Variants in HIBCH observed in about 807,000 individuals in gnomAD.
HIBCH encodes the protein 3-hydroxyisobutyryl-CoA hydrolase, mitochondrial.
HIBCH carries 50 observed loss-of-function variants against 58.2 expected under a neutral mutation model. The ratio of observed to expected loss-of-function variants is 0.86; its 90% confidence interval spans 0.68 to 1.09. The LOEUF is 1.09. HIBCH is among the 50% of genes least tolerant of loss of function. The probability of loss-of-function intolerance (pLI) is 0.00; values close to 1 mark genes in which losing one functional copy is unlikely to be tolerated. For synonymous variants in HIBCH, 151 were observed against 146.9 expected, an observed-to-expected ratio of 1.03 and a Z score of -0.20; for missense variants, 450 against 449.7, an observed-to-expected ratio of 1.00 and a Z score of -0.01.
rs1686283222 is a variant in HIBCH, at chr2:190,236,625, G to C, written c.891+8262C>G. Among the ~76,000 whole-genome samples, 2 of 152,124 alleles carry C rather than the reference G, an allele frequency of 1.3e-5. No individual in the cohort carries two copies. The highest frequency in any genetic ancestry group is 6.6e-5 in the Admixed American group (1 of 15,258). ...TAGTATATTTTCACCAATCTGAAAT[G>C]TCATATTACTATATAAAGACCAAAA... On this transcript the variant is annotated intron_variant, in intron 11 of 13. Transcript: ENST00000359678. The surrounding 1 kb of genome is among the most constrained non-coding windows in gnomAD (Gnocchi z 4.1).
In HIBCH at chr2:190,296,946, G is replaced by A. The variant is rs1274859127; in HGVS notation, c.86C>T (p.Ser29Phe). Residue 29 changes from serine to phenylalanine, a missense_variant, in exon 3 of 14, where the codon TCC becomes TTC. Ser to Phe is a radical substitution (Grantham distance 155). Transcript: ENST00000359678. ...CTCTTCTGCTGCATCTGTGTGCTTG[G>A]ACATTCTCTGTATAAACAAAGAATA... is the stretch of plus-strand genomic sequence containing the variant. ...TNTILHHLRM[S>F]KHTDAAEEVL... The A allele has an allele frequency of 6.2e-7, 1 of 1,613,968 alleles. No homozygotes were observed. The highest frequency in any genetic ancestry group is 1.1e-5 in the South Asian group (1 of 91,072).
chr2:190,238,522 T>G (rs1405555187), intron 11 of HIBCH, among the ~76,000 whole-genome samples: 1 of 152,192 alleles, frequency 6.6e-6, no homozygotes, highest in African/African-American at 2.4e-5. Context: ...TGGAGGGCAG[T>G]AGGGTGATCT....
At chr2:190,220,823 G>A (rs1363525032) in intron 11 of HIBCH, among the ~76,000 whole-genome samples, 2 of 152,104 alleles carry the variant, frequency 1.3e-5, no homozygotes, top group Admixed American at 6.6e-5. Context: ...TGTGTATAAG[G>A]GAGTGACATG....
At chr2:190,218,277 G>A (rs968200567) in intron 11 of HIBCH, among the ~76,000 whole-genome samples, 5 of 152,152 alleles carry the variant, frequency 3.3e-5, no homozygotes, top group African/African-American at 1.2e-4. Context: ...AAGGCCAGCT[G>A]AGTCATTCTT....
At chr2:190,208,935 A>C in intron 12 of HIBCH, 22 bp from the exon 13 acceptor site, 2 of 1,609,116 alleles carry the variant, frequency 1.2e-6, no homozygotes, top group Non-Finnish European at 8.5e-7. Flanking sequence ...TTGAGATTAA[A>C]TGGGGATAAT....
chr2:190,292,878 ATCTAAAT>A (rs1687992681), intron 4 of HIBCH, among the ~76,000 whole-genome samples: 1 of 152,216 alleles, frequency 6.6e-6, no homozygotes, highest in Admixed American at 6.5e-5. Context: ...AATTAGTTCC[ATCTAAAT>A]TAAAATTAAA....
chr2:190,193,236 T>C (rs1689801579), intron 1 of HIBCH, among the ~76,000 whole-genome samples: 1 of 152,114 alleles, frequency 6.6e-6, no homozygotes, highest in African/African-American at 2.4e-5. Flanking sequence ...TTTTTTATGT[T>C]AATATAGTGA....
In HIBCH at chr2:190,214,645, G is replaced by A. The variant is rs894706431; in HGVS notation, c.892-1570C>T. 5 of 152,222 alleles carry A rather than the reference G, an allele frequency of 3.3e-5. No homozygotes were observed. Among genetic ancestry groups the A allele is most frequent in the South Asian group, 2.1e-4 (1 of 4,828 alleles). 9.4% of individuals were successfully genotyped at this position (152,222 alleles called of 1,614,324 possible). A position where few individuals can be genotyped will look rare whatever the true frequency, so the allele number is the denominator to read the frequency against. On this transcript the variant is annotated intron_variant, in intron 11 of 13. Coordinates refer to ENST00000359678, the MANE Select transcript of HIBCH (RefSeq NM_014362.4). The surrounding 1 kb of genome is among the most constrained non-coding windows in gnomAD (Gnocchi z 5.5). ...GTGAATGATAAAACCCATACTCACA[G>A]AGGATGTGGGTTATGTTCTTTGTTG...
At chr2:190,267,173 C>T (rs958498679) in intron 6 of HIBCH, among the ~76,000 whole-genome samples, 1 of 152,062 alleles carries the variant, frequency 6.6e-6, no homozygotes, top group Admixed American at 6.6e-5. Context: ...GAGGTGAAGA[C>T]AACATCTACA....
chr2:190,249,584 A>C (rs1178873595), intron 9 of HIBCH, 56 bp downstream of exon 9: 2 of 982,998 alleles, frequency 2.0e-6, no homozygotes, highest in Non-Finnish European at 3.2e-6. Context: ...CCAGTTTTTT[A>C]ATCACTTCCC....
At chr2:190,250,072 C>T (rs1352124945) in intron 8 of HIBCH, among the ~76,000 whole-genome samples, 1 of 151,832 alleles carries the variant, frequency 6.6e-6, no homozygotes, top group East Asian at 1.9e-4. Context: ...TAGTGGCTAC[C>T]ACAGACAATG....
At chr2:190,269,501 T>C (rs893435309) in intron 6 of HIBCH, among the ~76,000 whole-genome samples, 5 of 152,002 alleles carry the variant, frequency 3.3e-5, no homozygotes, top group African/African-American at 1.2e-4. Flanking sequence ...ATTAGAGAAA[T>C]ACAAATCAAA....
chr2:190,311,960 T>C (rs1432719501), intron 1 of HIBCH, among the ~76,000 whole-genome samples: 2 of 152,162 alleles, frequency 1.3e-5, no homozygotes, highest in Non-Finnish European at 2.9e-5. Flanking sequence ...TGGGGGCACC[T>C]GGGAAGGGGC....
chr2:190,193,994 T>G (rs1426538656), intron 1 of HIBCH, among the ~76,000 whole-genome samples: 1 of 152,226 alleles, frequency 6.6e-6, no homozygotes, highest in Non-Finnish European at 1.5e-5. Flanking sequence ...TTTTGTTTAG[T>G]TGAAACTATA....
At chr2:190,272,729 A>G (rs1687432298) in intron 6 of HIBCH, among the ~76,000 whole-genome samples, 1 of 152,186 alleles carries the variant, frequency 6.6e-6, no homozygotes, top group Admixed American at 6.5e-5. Flanking sequence ...CCTGCAAGTC[A>G]AAAATTTCCC....
downstream of HIBCH, chr2:190,202,142 T>C (rs532821817): frequency 6.0e-6 from 1 of 167,134 alleles, no homozygotes; most frequent in African/African-American, 2.4e-5. Flanking sequence ...TTCCCAGGGG[T>C]GTGACAGAGA....
At chr2:190,276,774 G>C (rs985038343) in intron 6 of HIBCH, among the ~76,000 whole-genome samples, 1 of 152,092 alleles carries the variant, frequency 6.6e-6, no homozygotes, top group Non-Finnish European at 1.5e-5. Context: ...TTCTTCTATA[G>C]GAACCCAAAC....
chr2:190,249,734 G>C lies in HIBCH; in HGVS notation c.664-8C>G, dbSNP rs749285918. On this transcript the variant is annotated splice_polypyrimidine_tract_variant and splice_region_variant and intron_variant, in intron 8 of 13. Transcript: ENST00000359678. ...TTCCTCTAACATGGCCAACTAAAGG[G>C]GAGGCAGAAAAAAAGGAAAGATCTT... The C allele has an allele frequency of 6.4e-7, 1 of 1,562,978 alleles. No homozygotes were observed. Among genetic ancestry groups the C allele is most frequent in the South Asian group, 1.1e-5 (1 of 89,774 alleles).
intron 6 of HIBCH, among the ~76,000 whole-genome samples, chr2:190,283,754 G>A (rs1248362545): frequency 6.6e-6 from 1 of 152,154 alleles, no homozygotes; most frequent in African/African-American, 2.4e-5. Context: ...ATATTTTTAA[G>A]GGAGCTGATA....
Sources: allele counts gnomAD v4.1 joint callset (sites outside exome capture counted in the v4.1 genomes callset), GRCh38; gene constraint gnomAD v4.1.1; non-coding constraint Gnocchi (gnomAD v3.1); transcripts MANE v1.5; gene names NCBI Gene and HGNC (gene_info 2026-07-23, HGNC 2026-07-21).